LONP1: variants seen among roughly 807,000 people sequenced by gnomAD.
LONP1 encodes lon peptidase 1, mitochondrial, also known as lon protease homolog, mitochondrial.
Under a neutral mutation model 98.5 loss-of-function variants are expected in LONP1, and 31 were observed. That is an observed-to-expected ratio of 0.31 (90% CI 0.24 to 0.42). The LOEUF is 0.42. Among genes scored for constraint, LONP1 ranks in the 20% least tolerant of loss-of-function variants. LONP1 has a pLI of 1.00. For synonymous variants in LONP1, 781 were observed against 594.7 expected (o/e 1.31, Z -4.56); for missense variants, 1,336 against 1,350.6 (o/e 0.99, Z 0.17).
rs770665984 is a variant in LONP1 at position 5,699,172 on chromosome 19, T to C, written c.1540A>G (p.Thr514Ala). Reference sequence around the variant, plus strand: ...TAGAAGCAGAGGATCTTGCCCTGGGTGGAGCCGCGGAGCTGGCTAACGGCA... The same window carrying C: ...TAGAAGCAGAGGATCTTGCCCTGGGCGGAGCCGCGGAGCTGGCTAACGGCA... ...FIAVSQLRGS[T>A]QGKILCFYGP... is the part of the protein sequence containing the mutation. The change falls in exon 10 of 18, where the codon ACC becomes GCC. Residue 514 changes from threonine to alanine, a missense_variant. Around this residue, in one of 5 missense-constraint regions of LONP1, gnomAD observed 219 missense variants for 241.0 expected, o/e 0.91. Transcript: ENST00000360614. 1 of 1,524,200 alleles carries C rather than the reference T, an allele frequency of 6.6e-7. No individual in the cohort carries two copies. Among genetic ancestry groups the C allele is most frequent in the East Asian group, 2.4e-5 (1 of 40,970 alleles). 94.4% of individuals were successfully genotyped at this position (1,524,200 alleles called of 1,614,324 possible).
At chr19:5,697,858 G>A (rs1379051052) in intron 10 of LONP1, among the ~76,000 whole-genome samples, 1 of 152,000 alleles carries the variant, frequency 6.6e-6, no homozygotes, top group Non-Finnish European at 1.5e-5. Flanking sequence ...ACCCAGGCTT[G>A]TTCAGAACCC....
At chr19:5,719,424 C>T (rs142417274) in intron 1 of LONP1, among the ~76,000 whole-genome samples, 2 of 152,200 alleles carry the variant, frequency 1.3e-5, no homozygotes, top group African/African-American at 4.8e-5. Context: ...AGGTCCCTCC[C>T]GGCCCCGGAT....
intron 8 of LONP1, 123 bp downstream of exon 8, chr19:5,705,649 C>T: frequency 1.4e-6 from 1 of 735,238 alleles, no homozygotes; most frequent in East Asian, 2.7e-5. Flanking sequence ...GGATGCCTCC[C>T]AGCCCGCACC....
intron 8 of LONP1, among the ~76,000 whole-genome samples, chr19:5,702,998 AC>A (rs1258325740): frequency 2.0e-5 from 3 of 146,470 alleles, no homozygotes; most frequent in African/African-American, 7.6e-5. Flanking sequence ...TGCGAGAAAC[AC>A]CCAAGAATGA....
At chr19:5,701,887 G>C (rs2055051773) in intron 8 of LONP1, among the ~76,000 whole-genome samples, 1 of 150,524 alleles carries the variant, frequency 6.6e-6, no homozygotes, top group African/African-American at 2.5e-5. Flanking sequence ...GATGTGGGGA[G>C]CGCCTCTGCC....
chr19:5,709,737 G>A (rs1379716231), intron 4 of LONP1, among the ~76,000 whole-genome samples: 2 of 151,586 alleles, frequency 1.3e-5, no homozygotes, highest in Non-Finnish European at 2.9e-5. Flanking sequence ...GTGAAACCCC[G>A]TCTCTACTAA....
Position 5,719,970 on chromosome 19 carries a change from A to G in LONP1, c.163T>C (p.Trp55Arg). 1 of 1,580,398 alleles carries G rather than the reference A, an allele frequency of 6.3e-7. No individual in the cohort carries two copies. Among genetic ancestry groups the G allele is most frequent in the Non-Finnish European group, 8.6e-7 (1 of 1,165,268 alleles). Residue 55 changes from tryptophan (W) to arginine (R), a missense_variant, in exon 1 of 18, where the codon TGG (tryptophan) becomes CGG (arginine). Physicochemically the swap from Trp to Arg is moderately radical, Grantham distance 101. This residue lies in a region of LONP1 where 457 missense variants were observed against 403.1 expected (regional missense o/e 1.13). Coordinates refer to ENST00000360614, the MANE Select transcript of LONP1 (RefSeq NM_004793.4). ...CCCCCAATTGCCGGGCCTCGGCCCC[A>G]CAGTGCCCAAGGAGGAGAGGCGTCG... ...TCDASPPWAL[W>R]GRGPAIGGQW...
intron 8 of LONP1, among the ~76,000 whole-genome samples, chr19:5,703,404 G>A (rs939092909): frequency 2.6e-5 from 4 of 151,958 alleles, no homozygotes; most frequent in Non-Finnish European, 4.4e-5. Flanking sequence ...GTCCCCTGCC[G>A]GGAGAGTGAC....
chr19:5,693,819 G>C (rs1044285149), intron 15 of LONP1, 50 bp from the exon 16 acceptor site: 1 of 1,504,070 alleles, frequency 6.6e-7, no homozygotes. Context: ...AGCCCAGGCC[G>C]GTGCTCACTC....
At chr19:5,696,581 G>T in intron 11 of LONP1, 89 bp downstream of exon 11, 4 of 1,408,506 alleles carry the variant, frequency 2.8e-6, no homozygotes, top group Non-Finnish European at 2.0e-6. Context: ...CCCTGAGTTG[G>T]CTCGGGGATC....
intron 6 of LONP1, 116 bp from the exon 7 acceptor site, chr19:5,707,259 C>G: frequency 1.3e-6 from 1 of 787,858 alleles, no homozygotes; most frequent in Non-Finnish European, 2.1e-6. Flanking sequence ...CCTGGCCATG[C>G]TGTACCCAGC....
At chr19:5,698,530 G>T (rs117261656) in intron 10 of LONP1, among the ~76,000 whole-genome samples, 4,253 of 152,260 alleles carry the variant, frequency 0.028, 90 homozygotes, top group Admixed American at 0.062. Context: ...GAGGCTGGCC[G>T]GGACGAGTGA....
In LONP1 at chr19:5,694,901, G is replaced by A. The variant is rs777009012; in HGVS notation, c.2014C>T (p.Arg672Cys). 4.0e-5 allele frequency: 64 copies of A among 1,591,364 alleles called. No homozygotes were observed. Among genetic ancestry groups the A allele is most frequent in the East Asian group, 1.8e-4 (8 of 44,146 alleles). ...GCGCGAGCCTGGGGCACCAGGTAGCGCTGCAAGGGCAACCGTCAGGGTTGG... is the reference window on the plus strand; with the variant it reads ...GCGCGAGCCTGGGGCACCAGGTAGCACTGCAAGGGCAACCGTCAGGGTTGG... Reference protein sequence around the residue: ...VAQEKLAIAERYLVPQARALC... With the variant: ...VAQEKLAIAECYLVPQARALC... The change falls in exon 14 of 18, where the codon CGC (arginine) becomes TGC (cysteine). Residue 672 changes from arginine to cysteine, a missense_variant and splice_region_variant. Around this residue, in one of 5 missense-constraint regions of LONP1, gnomAD observed 555 missense variants for 542.6 expected, o/e 1.02. Coordinates refer to ENST00000360614, the MANE Select transcript of LONP1 (RefSeq NM_004793.4).
At chr19:5,703,097 C>T (rs1277308159) in intron 8 of LONP1, among the ~76,000 whole-genome samples, 2 of 149,548 alleles carry the variant, frequency 1.3e-5, no homozygotes, top group East Asian at 3.9e-4. Context: ...AGGAGAATGG[C>T]ATGAACCCGA....
intron 1 of LONP1, among the ~76,000 whole-genome samples, chr19:5,716,004 T>C (rs191596778): frequency 1.3e-4 from 19 of 151,924 alleles, no homozygotes; most frequent in African/African-American, 3.9e-4. Context: ...TAAGAAGCAT[T>C]TGAAGGCGCA....
intron 4 of LONP1, among the ~76,000 whole-genome samples, chr19:5,709,214 C>T (rs966979837): frequency 3.3e-5 from 5 of 151,670 alleles, no homozygotes; most frequent in Non-Finnish European, 7.4e-5. Flanking sequence ...CTTGGCCGGG[C>T]GCGGTGGCTC....
In LONP1 at chr19:5,692,367, C is replaced by T. The variant is rs111694482; in HGVS notation, c.2704-159G>A. ...AACCCACCAGGGTCCCCGTCTCCCA[C>T]GGGGAAACAGGCTCAAGGCAAAACC... On this transcript the variant is annotated intron_variant, in intron 17 of 17. Transcript: ENST00000360614. The T allele has an allele frequency of 2.2e-3, 1,406 of 633,788 alleles. 21 individuals are homozygous for T. The African/African-American group carries it at 0.023, about 10-fold the overall frequency. 39.3% of individuals were successfully genotyped at this position (633,788 alleles called of 1,614,324 possible). A position where few individuals can be genotyped will look rare whatever the true frequency, so the allele number is the denominator to read the frequency against.
chr19:5,698,959 C>T (rs754767896), intron 10 of LONP1, 68 bp downstream of exon 10: 49 of 1,478,544 alleles, frequency 3.3e-5, no homozygotes, highest in East Asian at 1.3e-4. Flanking sequence ...AAAGGGTGAC[C>T]GGAGAAGACG....
intron 4 of LONP1, 112 bp from the exon 5 acceptor site, chr19:5,708,515 C>CAGCAGTG: frequency 1.2e-6 from 1 of 812,772 alleles, no homozygotes. Flanking sequence ...AACTCCCTCC[C>CAGCAGTG]CTCCGCCAAC....
Sources: allele counts gnomAD v4.1 joint callset (sites outside exome capture counted in the v4.1 genomes callset), GRCh38; gene constraint gnomAD v4.1.1; regional missense constraint gnomAD v4.1.1; transcripts MANE v1.5; gene names NCBI Gene and HGNC (gene_info 2026-07-23, HGNC 2026-07-21).